The following JAZF1 variants were observed in gnomAD, a reference collection of about 807,000 sequenced individuals.
The protein encoded by JAZF1 is JAZF zinc finger 1.
JAZF1 carries 8 observed loss-of-function variants against 26.4 expected under a neutral mutation model. That is an observed-to-expected ratio of 0.30 (90% CI 0.18 to 0.55). The LOEUF (loss-of-function observed/expected upper bound fraction) is 0.55. Among genes scored for constraint, JAZF1 ranks in the 20% least tolerant of loss-of-function variants. The pLI is 0.94. For missense variants in JAZF1, 199 were observed against 322.0 expected, an observed-to-expected ratio of 0.62 and a Z score of 2.92; for synonymous variants, 126 against 122.3, an observed-to-expected ratio of 1.03 and a Z score of -0.20.
chr7:28,092,369 C>G (rs1207363854), intron 1 of JAZF1, among the ~76,000 whole-genome samples: 1 of 123,140 alleles, frequency 8.1e-6, no homozygotes, highest in Non-Finnish European at 1.6e-5. Flanking sequence ...AAAAAGATCT[C>G]ATTTTTAGAA....
In JAZF1 at chr7:28,056,475, C is replaced by CACACACAA. The variant is rs71555731; in HGVS notation, c.116-64495_116-64494insTTGTGTGT. On this transcript the variant is annotated intron_variant, in intron 1 of 4. Transcript: ENST00000283928. Reference sequence around the variant, plus strand: ...ACACACACACACACACACACACACACAATAAGAAAGAAATTCTTGAGGCTG... The same window carrying CACACACAA: ...ACACACACACACACACACACACACACACACACAAAATAAGAAAGAAATTCTTGAGGCTG... Among the ~76,000 whole-genome samples, 922 of 119,992 alleles carry CACACACAA rather than the reference C, an allele frequency of 7.7e-3. 59 individuals carry two copies. Among genetic ancestry groups the CACACACAA allele is most frequent in the African/African-American group, 0.021 (699 of 33,030 alleles). 78.7% of individuals were successfully genotyped at this position (119,992 alleles called of 152,430 possible).
chr7:27,989,478 C>T (rs962370166), intron 2 of JAZF1, among the ~76,000 whole-genome samples: 2 of 152,128 alleles, frequency 1.3e-5, no homozygotes, highest in African/African-American at 2.4e-5. Context: ...AAGAAACTAC[C>T]GTCAGAGTGA....
At chr7:27,882,396 C>A (rs947724289) in intron 3 of JAZF1, among the ~76,000 whole-genome samples, 1 of 152,040 alleles carries the variant, frequency 6.6e-6, no homozygotes, top group African/African-American at 2.4e-5. Context: ...TAAGATCAAC[C>A]CAACTTGTTA....
intron 2 of JAZF1, among the ~76,000 whole-genome samples, chr7:27,917,887 C>G (rs150425423): frequency 0.01 from 1,575 of 152,302 alleles, 30 homozygotes; most frequent in African/African-American, 0.036. Flanking sequence ...CACTGATGCT[C>G]TTTCCCACAT....
In JAZF1 at chr7:27,832,790, G is replaced by C. The variant is rs1431459295; in HGVS notation, c.*10C>G. Reference sequence around the variant, plus strand: ...GGTGAGGATTTCTTGGCACAGTTATGACCAGCATGTTATTGCTGCATCTTC... The same window carrying C: ...GGTGAGGATTTCTTGGCACAGTTATCACCAGCATGTTATTGCTGCATCTTC... On this transcript the variant is annotated 3_prime_UTR_variant, in exon 5 of 5. Coordinates refer to ENST00000283928, the MANE Select transcript of JAZF1 (RefSeq NM_175061.4). The C allele has an allele frequency of 1.3e-6, 2 of 1,552,388 alleles. No individual in the cohort carries two copies. Among genetic ancestry groups the C allele is most frequent in the Non-Finnish European group, 1.7e-6 (2 of 1,145,406 alleles).
chr7:27,952,655 G>A (rs147080190), intron 2 of JAZF1, among the ~76,000 whole-genome samples: 2 of 152,318 alleles, frequency 1.3e-5, no homozygotes, highest in Non-Finnish European at 2.9e-5. Flanking sequence ...GAGGGAAAAG[G>A]GCCGGAGAAA....
chr7:28,039,081 T>C (rs954985297), intron 1 of JAZF1, among the ~76,000 whole-genome samples: 13 of 152,212 alleles, frequency 8.5e-5, no homozygotes, highest in South Asian at 2.1e-4. Flanking sequence ...CAAAGCATGC[T>C]AAATTTAAAA....
rs1782689289 is a variant in JAZF1, at chr7:27,831,332, G to C, written c.*1468C>G. ...GTGATGTAAGACTTTTCATCAAATG[G>C]GAACATGGGAAGAAACTTTATAAGC... On this transcript the variant is annotated 3_prime_UTR_variant, in exon 5 of 5. Coordinates refer to ENST00000283928, the MANE Select transcript of JAZF1 (RefSeq NM_175061.4). The C allele has an allele frequency of 1.8e-5, 4 of 226,706 alleles. No individual in the cohort carries two copies. The Admixed American group carries it at 2.3e-4, about 13-fold the overall frequency. The allele number at this position is 226,706 out of a possible 1,614,324, so 14.0% of individuals were successfully genotyped here.
chr7:27,990,887 T>C (rs1464153099), intron 2 of JAZF1, among the ~76,000 whole-genome samples: 1 of 152,178 alleles, frequency 6.6e-6, no homozygotes, highest in Non-Finnish European at 1.5e-5. Context: ...TCCATCTCAC[T>C]TCTTGGGAAG....
intron 3 of JAZF1, among the ~76,000 whole-genome samples, chr7:27,855,405 C>T (rs1041396303): frequency 6.6e-6 from 1 of 151,842 alleles, no homozygotes; most frequent in East Asian, 1.9e-4. Flanking sequence ...ACACAAAAAA[C>T]CCTTCAAAAA....
chr7:28,141,736 A>G (rs1782961724), intron 1 of JAZF1, among the ~76,000 whole-genome samples: 1 of 152,354 alleles, frequency 6.6e-6, no homozygotes, highest in South Asian at 2.1e-4. Context: ...GATACTTTAC[A>G]TATAGTTCTC....
At chr7:27,996,471 A>T (rs1039994386) in intron 1 of JAZF1, among the ~76,000 whole-genome samples, 2 of 152,110 alleles carry the variant, frequency 1.3e-5, no homozygotes, top group African/African-American at 4.8e-5. Flanking sequence ...GTGTTGGAAG[A>T]CCCTGGGAAG....
chr7:27,898,286 C>CATATATATATATAT (rs10638646), intron 2 of JAZF1, among the ~76,000 whole-genome samples: 188 of 99,572 alleles, frequency 1.9e-3, no homozygotes, highest in South Asian at 7.9e-3. Context: ...ACGTCTAACT[C>CATATATATATATAT]ATATATATAT....
At chr7:28,032,427 T>C (rs944317436) in intron 1 of JAZF1, among the ~76,000 whole-genome samples, 6 of 152,178 alleles carry the variant, frequency 3.9e-5, no homozygotes, top group African/African-American at 7.2e-5. Flanking sequence ...ATACATCTTA[T>C]AGTTTTGGAA....
At chr7:28,039,779 C>A (rs956042347) in intron 1 of JAZF1, among the ~76,000 whole-genome samples, 3 of 152,080 alleles carry the variant, frequency 2.0e-5, no homozygotes, top group Non-Finnish European at 1.5e-5. Context: ...TGTCTCCTTC[C>A]CCCCGCCCCA....
intron 1 of JAZF1, among the ~76,000 whole-genome samples, chr7:28,167,232 G>C (rs954072246): frequency 2.0e-5 from 3 of 152,150 alleles, no homozygotes; most frequent in African/African-American, 7.2e-5. Flanking sequence ...ATGCATAACC[G>C]CTTCACAGTA....
chr7:27,916,003 T>A (rs879171649), intron 2 of JAZF1, among the ~76,000 whole-genome samples: 1 of 152,140 alleles, frequency 6.6e-6, no homozygotes. Flanking sequence ...ATCCCTGTAC[T>A]TTGCTTGTTC....
At chr7:28,110,145 G>C (rs1784618438) in intron 1 of JAZF1, among the ~76,000 whole-genome samples, 1 of 152,126 alleles carries the variant, frequency 6.6e-6, no homozygotes, top group Admixed American at 6.5e-5. Flanking sequence ...GAAAGTTTAG[G>C]CCGGGCATGG....
intron 1 of JAZF1, among the ~76,000 whole-genome samples, chr7:28,046,401 A>C (rs1410347236): frequency 6.6e-6 from 1 of 152,194 alleles, no homozygotes; most frequent in East Asian, 1.9e-4. Flanking sequence ...AGATGGCTGC[A>C]TGGCATTACA....
Sources: allele counts gnomAD v4.1 joint callset (sites outside exome capture counted in the v4.1 genomes callset), GRCh38; gene constraint gnomAD v4.1.1; transcripts MANE v1.5; gene names NCBI Gene and HGNC (gene_info 2026-07-23, HGNC 2026-07-21).